Variants in KCNB2 observed in about 807,000 individuals in gnomAD.
KCNB2 encodes potassium voltage-gated channel subfamily B member 2.
KCNB2 carries 15 observed loss-of-function variants against 61.5 expected under a neutral mutation model. That is an observed-to-expected ratio of 0.24 (90% CI 0.16 to 0.38). The LOEUF is 0.38. KCNB2 is among the 10% of genes least tolerant of loss of function. KCNB2 has a pLI of 1.00. For missense variants in KCNB2, 828 were observed against 1,125.2 expected (o/e 0.74, Z 3.78); for synonymous variants, 457 against 446.0 (o/e 1.02, Z -0.31).
At chr8:72,682,008 A>G (rs989278487) in intron 2 of KCNB2, among the ~76,000 whole-genome samples, 3 of 152,170 alleles carry the variant, frequency 2.0e-5, no homozygotes, top group Admixed American at 1.3e-4. Flanking sequence ...ACTTTGCTCA[A>G]TTAAACGACA....
At chr8:72,665,209 GT>G (rs1414646209) in intron 2 of KCNB2, among the ~76,000 whole-genome samples, 2 of 152,206 alleles carry the variant, frequency 1.3e-5, no homozygotes, top group African/African-American at 4.8e-5. Flanking sequence ...AAGTAGACAT[GT>G]GGCATTTGTG....
intron 2 of KCNB2, among the ~76,000 whole-genome samples, chr8:72,781,788 G>T (rs1293198654): frequency 6.6e-6 from 1 of 152,102 alleles, no homozygotes; most frequent in Non-Finnish European, 1.5e-5. Context: ...GCCATAAAAA[G>T]GAATGAGATC....
chr8:72,635,466 G>A (rs1585798202), intron 2 of KCNB2, among the ~76,000 whole-genome samples: 1 of 152,254 alleles, frequency 6.6e-6, no homozygotes, highest in African/African-American at 2.4e-5. Flanking sequence ...GACAGGAAAG[G>A]CCCCAAAGGA....
intron 2 of KCNB2, among the ~76,000 whole-genome samples, chr8:72,821,372 T>C (rs1160462346): frequency 6.6e-6 from 1 of 152,116 alleles, no homozygotes; most frequent in Non-Finnish European, 1.5e-5. Flanking sequence ...TTGCAGGGGT[T>C]GGGGCAGCAC....
chr8:72,694,515 TG>T (rs1161226664), intron 2 of KCNB2, among the ~76,000 whole-genome samples: 1 of 152,180 alleles, frequency 6.6e-6, no homozygotes, highest in Admixed American at 6.5e-5. Flanking sequence ...TTTTTAAATG[TG>T]TATGGAAACT....
chr8:72,604,187 A>T (rs1253153188), intron 2 of KCNB2, among the ~76,000 whole-genome samples: 1 of 152,108 alleles, frequency 6.6e-6, no homozygotes. Flanking sequence ...ATAATAATCA[A>T]CCCTACTCCA....
At chr8:72,812,287 A>G (rs2129000497) in intron 2 of KCNB2, among the ~76,000 whole-genome samples, 1 of 152,124 alleles carries the variant, frequency 6.6e-6, no homozygotes, top group Admixed American at 6.5e-5. Flanking sequence ...AAAGAAAGAA[A>G]GAAAAGTGAA....
intron 2 of KCNB2, among the ~76,000 whole-genome samples, chr8:72,782,182 T>A (rs569922425): frequency 2.6e-5 from 4 of 152,184 alleles, no homozygotes; most frequent in Admixed American, 6.5e-5. Flanking sequence ...TGGTGTGAGA[T>A]GTCATGAAGT....
chr8:72,782,037 G>T (rs773858569), intron 2 of KCNB2, among the ~76,000 whole-genome samples: 1 of 152,124 alleles, frequency 6.6e-6, no homozygotes, highest in Admixed American at 6.6e-5. Flanking sequence ...GGGTTGATAG[G>T]TGCAGCAAAC....
chr8:72,597,310 A>G (rs981033677), intron 2 of KCNB2, among the ~76,000 whole-genome samples: 1 of 152,082 alleles, frequency 6.6e-6, no homozygotes, highest in African/African-American at 2.4e-5. Flanking sequence ...CTGGGATTAC[A>G]GGCGTGAGCC....
chr8:72,883,849 T>G (rs1266533710), intron 2 of KCNB2, among the ~76,000 whole-genome samples: 1 of 152,212 alleles, frequency 6.6e-6, no homozygotes, highest in East Asian at 1.9e-4. Context: ...ATATAAATTG[T>G]TTCTGACTTT....
chr8:72,937,197 A>T lies in KCNB2; in HGVS notation c.1842A>T (p.Thr614=). 1 of 1,614,128 alleles carries T rather than the reference A, an allele frequency of 6.2e-7. No individual in the cohort carries two copies. Among genetic ancestry groups the T allele is most frequent in the Non-Finnish European group, 8.5e-7 (1 of 1,180,026 alleles). Reference sequence around the variant, plus strand: ...TCACCAGCTGTGCCACCGACTTCACAGAGACAGAGAGATCGCCGCTGCCGC... The same window carrying T: ...TCACCAGCTGTGCCACCGACTTCACTGAGACAGAGAGATCGCCGCTGCCGC... ...DSFTSCATDF[T]ETERSPLPPP... is the part of the protein sequence containing the mutation. The change falls in exon 3 of 3, where the codon ACA becomes ACT. Residue 614 remains threonine (T), a synonymous_variant. Transcript: ENST00000523207.
chr8:72,668,976 A>G (rs1806521402), intron 2 of KCNB2, among the ~76,000 whole-genome samples: 1 of 151,842 alleles, frequency 6.6e-6, no homozygotes, highest in Non-Finnish European at 1.5e-5. Flanking sequence ...TTTATTAGTA[A>G]TTTTAGTGAA....
intron 1 of KCNB2, among the ~76,000 whole-genome samples, chr8:72,554,590 G>C (rs1273040799): frequency 1.3e-5 from 2 of 152,074 alleles, no homozygotes; most frequent in Non-Finnish European, 2.9e-5. Context: ...TCAGAAGCAG[G>C]AGCTTTAGCT....
intron 2 of KCNB2, among the ~76,000 whole-genome samples, chr8:72,637,563 C>T (rs1238982245): frequency 1.3e-5 from 2 of 152,132 alleles, no homozygotes; most frequent in East Asian, 1.9e-4. Flanking sequence ...GTAAACAGCA[C>T]TGCCAGTGAT....
intron 2 of KCNB2, among the ~76,000 whole-genome samples, chr8:72,589,361 GAA>G (rs773334055): frequency 6.6e-6 from 1 of 150,876 alleles, no homozygotes; most frequent in South Asian, 2.1e-4. Flanking sequence ...AAGAAAAAAA[GAA>G]AAAAAAAGAG....
intron 2 of KCNB2, among the ~76,000 whole-genome samples, chr8:72,883,155 C>G (rs912263561): frequency 6.6e-6 from 1 of 152,310 alleles, no homozygotes; most frequent in East Asian, 1.9e-4. Context: ...GGGGGAGGGT[C>G]CACTTCACTA....
intron 2 of KCNB2, chr8:72,618,873 C>T (rs137885431): frequency 8.7e-5 from 24 of 275,368 alleles, no homozygotes; most frequent in African/African-American, 4.1e-4. Flanking sequence ...TATGGTCTAT[C>T]GTTTTAACTC....
At chr8:72,698,519 T>TAGAAA (rs1807056791) in intron 2 of KCNB2, among the ~76,000 whole-genome samples, 1 of 152,110 alleles carries the variant, frequency 6.6e-6, no homozygotes, top group Non-Finnish European at 1.5e-5. Flanking sequence ...CTATTCTAAA[T>TAGAAA]TTCATATGGA....
Sources: gnomAD v4.1 joint callset for allele counts (sites outside exome capture counted in the v4.1 genomes callset) on GRCh38, gnomAD v4.1.1 for gene constraint, MANE v1.5 for transcripts, NCBI Gene and HGNC (gene_info 2026-07-23, HGNC 2026-07-21) for gene names.